CAB39L: variants seen among roughly 807,000 people sequenced by gnomAD.
The protein encoded by CAB39L is calcium binding protein 39 like.
Under a neutral mutation model 39.1 loss-of-function variants are expected in CAB39L, and 23 were observed. The ratio of observed to expected loss-of-function variants is 0.59; its 90% confidence interval spans 0.42 to 0.83. CAB39L has a LOEUF of 0.83. Ranked by LOEUF, CAB39L falls within the 40% of genes least tolerant of loss-of-function variation. CAB39L has a pLI of 0.00. For synonymous variants in CAB39L, 126 were observed against 137.2 expected, an observed-to-expected ratio of 0.92 and a Z score of 0.57; for missense variants, 366 against 391.9, an observed-to-expected ratio of 0.93 and a Z score of 0.56.
At chr13:49,413,104 T>C (rs1363969733) in intron 3 of CAB39L, 1 of 132,012 alleles carries the variant, frequency 7.6e-6, no homozygotes, top group Non-Finnish European at 1.7e-5. Context: ...ACAACTTTTG[T>C]GAAAACAAAA....
At chr13:49,344,316 A>C in intron 7 of CAB39L, 78 bp from the exon 8 acceptor site, 1 of 819,644 alleles carries the variant, frequency 1.2e-6, no homozygotes, top group Non-Finnish European at 2.0e-6. Flanking sequence ...AAGGTTTAAG[A>C]ACATATAAAA....
chr13:49,330,731 A>C (rs1476220004), intron 10 of CAB39L, among the ~76,000 whole-genome samples: 1 of 150,874 alleles, frequency 6.6e-6, no homozygotes, highest in African/African-American at 2.4e-5. Flanking sequence ...AAAAGAACCA[A>C]AAAAATCTGG....
chr13:49,395,184 C>CTT (rs375335698), intron 3 of CAB39L, among the ~76,000 whole-genome samples: 3 of 145,152 alleles, frequency 2.1e-5, no homozygotes, highest in African/African-American at 7.6e-5. Context: ...AACAAATAAC[C>CTT]TTTTTTTTTT....
chr13:49,372,426 T>C (rs1955945956), intron 5 of CAB39L, among the ~76,000 whole-genome samples: 1 of 152,180 alleles, frequency 6.6e-6, no homozygotes, highest in African/African-American at 2.4e-5. Flanking sequence ...CACTTTCCTC[T>C]AGATTCCTGA....
At position 49,378,308 on chromosome 13, in the gene CAB39L, G is replaced by T. The variant is rs1397683739; in HGVS notation, c.112-1177C>A. ...CCGGCCAGCCGCCCCATCTGGGAGG[G>T]AGGTGGGGGGTCAGCCCCCCCGACC... On this transcript the variant is annotated intron_variant, in intron 4 of 10. Transcript: ENST00000409308. Among the ~76,000 whole-genome samples, 3 of 81,726 alleles carry T rather than the reference G, an allele frequency of 3.7e-5. 1 individual carries two copies. The highest frequency in any genetic ancestry group is 7.5e-5 in the Non-Finnish European group (3 of 40,108). The allele number at this position is 81,726 out of a possible 152,430, so 53.6% of individuals were successfully genotyped here. A position where few individuals can be genotyped will look rare whatever the true frequency, so the allele number is the denominator to read the frequency against.
intron 6 of CAB39L, among the ~76,000 whole-genome samples, chr13:49,359,501 T>C (rs189138986): frequency 6.6e-6 from 1 of 152,212 alleles, no homozygotes; most frequent in East Asian, 1.9e-4. Context: ...AGGCAGTAAA[T>C]GGAAACATAA....
At chr13:49,342,678 A>G (rs1476234166) in intron 8 of CAB39L, among the ~76,000 whole-genome samples, 1 of 151,926 alleles carries the variant, frequency 6.6e-6, no homozygotes, top group African/African-American at 2.4e-5. Flanking sequence ...AGGATCAGAG[A>G]CTCCCCTTCC....
At chr13:49,342,195 G>A (rs1052341242) in intron 8 of CAB39L, among the ~76,000 whole-genome samples, 17 of 152,058 alleles carry the variant, frequency 1.1e-4, no homozygotes, top group Admixed American at 7.2e-4. Flanking sequence ...ACTCCTTGAG[G>A]ACTATTATTA....
intron 1 of CAB39L, among the ~76,000 whole-genome samples, chr13:49,437,648 C>T (rs1202243348): frequency 6.6e-6 from 1 of 152,160 alleles, no homozygotes; most frequent in Admixed American, 6.5e-5. Flanking sequence ...TGCTAGACTG[C>T]AGTGTTGATT....
chr13:49,379,026 T>G (rs1189189238), intron 4 of CAB39L, among the ~76,000 whole-genome samples: 2 of 40,880 alleles, frequency 4.9e-5, no homozygotes, highest in Admixed American at 1.8e-4. Context: ...GAGGTGGGGG[T>G]GTCAGCCCCC....
intron 3 of CAB39L, among the ~76,000 whole-genome samples, chr13:49,388,581 A>G (rs553246723): frequency 3.3e-5 from 5 of 152,322 alleles, no homozygotes; most frequent in African/African-American, 1.2e-4. Context: ...GATAGTGTAT[A>G]TTTACTAAAA....
intron 9 of CAB39L, among the ~76,000 whole-genome samples, chr13:49,333,099 T>C (rs1328460017): frequency 6.6e-6 from 1 of 152,112 alleles, no homozygotes; most frequent in Non-Finnish European, 1.5e-5. Context: ...ATGTATCTTT[T>C]GTGTATTTAA....
At chr13:49,333,746 G>A (rs1287535263) in intron 9 of CAB39L, among the ~76,000 whole-genome samples, 3 of 151,336 alleles carry the variant, frequency 2.0e-5, no homozygotes, top group African/African-American at 7.3e-5. Flanking sequence ...TAATTTTTTA[G>A]TATTTTTAGT....
chr13:49,418,452 T>C (rs1957119740), intron 3 of CAB39L, among the ~76,000 whole-genome samples: 1 of 152,206 alleles, frequency 6.6e-6, no homozygotes, highest in Non-Finnish European at 1.5e-5. Flanking sequence ...CTAAAATAAT[T>C]GTGAGGATAG....
chr13:49,381,557 T>C (rs1956254217), intron 4 of CAB39L, among the ~76,000 whole-genome samples: 1 of 152,202 alleles, frequency 6.6e-6, no homozygotes, highest in Non-Finnish European at 1.5e-5. Flanking sequence ...ATGAGAAAAC[T>C]TAGGCTGAAA....
chr13:49,437,248 T>C (rs1449293219), intron 1 of CAB39L, among the ~76,000 whole-genome samples: 1 of 152,250 alleles, frequency 6.6e-6, no homozygotes, highest in Non-Finnish European at 1.5e-5. Context: ...AAATAGTACC[T>C]AATAAAGTGT....
intron 10 of CAB39L, among the ~76,000 whole-genome samples, chr13:49,315,877 T>A: frequency 8.9e-6 from 1 of 112,376 alleles, no homozygotes. Flanking sequence ...AGAGCAAGTC[T>A]CCATCTCAAA....
intron 10 of CAB39L, among the ~76,000 whole-genome samples, chr13:49,315,050 A>G (rs1954116248): frequency 6.6e-6 from 1 of 152,230 alleles, no homozygotes; most frequent in Non-Finnish European, 1.5e-5. Flanking sequence ...GGTGAGGTTC[A>G]GAACTAGAAA....
chr13:49,348,246 C>T (rs1254590114), intron 7 of CAB39L, among the ~76,000 whole-genome samples: 1 of 152,072 alleles, frequency 6.6e-6, no homozygotes, highest in Non-Finnish European at 1.5e-5. Flanking sequence ...GTCCGAAACC[C>T]GCACACCCTC....
Sources: allele counts gnomAD v4.1 joint callset (sites outside exome capture counted in the v4.1 genomes callset), GRCh38; gene constraint gnomAD v4.1.1; transcripts MANE v1.5; gene names NCBI Gene and HGNC (gene_info 2026-07-23, HGNC 2026-07-21).